KLRD1: variants seen among roughly 807,000 people sequenced by gnomAD.
The protein encoded by KLRD1 is natural killer cells antigen CD94.
In KLRD1, 21 loss-of-function variants were observed where a neutral mutation model predicts 22.6. The observed-to-expected ratio is 0.93, with a 90% CI of 0.66 to 1.34. KLRD1 has a LOEUF of 1.34. KLRD1 is among the 40% of genes most tolerant of loss of function. The pLI, the probability that KLRD1 is intolerant of heterozygous loss-of-function variation, is 0.00. For synonymous variants in KLRD1, 59 were observed against 71.1 expected, an observed-to-expected ratio of 0.83 and a Z score of 0.85; for missense variants, 183 against 208.6, an observed-to-expected ratio of 0.88 and a Z score of 0.76.
intron 1 of KLRD1, among the ~76,000 whole-genome samples, chr12:10,242,647 C>G (rs1164442461): frequency 6.6e-6 from 1 of 152,172 alleles, no homozygotes; most frequent in Non-Finnish European, 1.5e-5. Context: ...TACTACTTCA[C>G]AACTGCAACC....
intron 1 of KLRD1, among the ~76,000 whole-genome samples, chr12:10,244,057 C>T (rs1304929873): frequency 6.6e-6 from 1 of 152,048 alleles, no homozygotes; most frequent in Non-Finnish European, 1.5e-5. Context: ...TCCGGTTTCT[C>T]TTTCTGAAAT....
intron 1 of KLRD1, among the ~76,000 whole-genome samples, chr12:10,247,986 T>G (rs1949308319): frequency 6.6e-6 from 1 of 152,192 alleles, no homozygotes; most frequent in East Asian, 1.9e-4. Flanking sequence ...TTTTTTACAT[T>G]TTAATGTCTC....
intron 1 of KLRD1, among the ~76,000 whole-genome samples, chr12:10,245,336 C>T (rs1038645359): frequency 9.2e-5 from 14 of 151,872 alleles, no homozygotes; most frequent in African/African-American, 9.7e-5. Context: ...CCAGCCTGGG[C>T]GACAGAGCAA....
chr12:10,259,793 C>T (rs10845093), intron 1 of KLRD1, among the ~76,000 whole-genome samples: 121,866 of 152,046 alleles, frequency 0.8, 53,415 homozygotes, highest in Non-Finnish European at 0.98. Flanking sequence ...TGGTGAAACC[C>T]TGTCTTTACT....
rs1034046352 is a variant in KLRD1 at position 10,319,620 on chromosome 12, T to C, written c.*4827T>C. 1 of 152,152 alleles carries C rather than the reference T, an allele frequency of 6.6e-6. No individual in the cohort carries two copies. Among genetic ancestry groups the C allele is most frequent in the African/African-American group, 2.4e-5 (1 of 41,416 alleles). 9.4% of individuals were successfully genotyped at this position (152,152 alleles called of 1,614,324 possible). A position where few individuals can be genotyped will look rare whatever the true frequency, so the allele number is the denominator to read the frequency against. Reference sequence around the variant, plus strand: ...ATGAGCAGCCCTGTTGAAAGGACCATGCGGCAAGGAACTGAAGACTCTTAC... The same window carrying C: ...ATGAGCAGCCCTGTTGAAAGGACCACGCGGCAAGGAACTGAAGACTCTTAC... On this transcript the variant is annotated 3_prime_UTR_variant, in exon 6 of 6. Coordinates refer to ENST00000336164, the MANE Select transcript of KLRD1 (RefSeq NM_002262.5).
At chr12:10,299,771 T>C (rs1949851949), upstream of KLRD1, among the ~76,000 whole-genome samples, 1 of 152,184 alleles carries the variant, frequency 6.6e-6, no homozygotes, top group Admixed American at 6.5e-5. Context: ...CTCTGTAGCA[T>C]GTGATGATGT....
chr12:10,239,460 TC>T (rs1416373501), intron 1 of KLRD1, among the ~76,000 whole-genome samples: 7 of 50,580 alleles, frequency 1.4e-4, no homozygotes, highest in East Asian at 7.6e-4. Flanking sequence ...CTTCCTTCCT[TC>T]CTTCCTTCCT....
At position 10,311,575 on chromosome 12, in the gene KLRD1, A is replaced by G. The variant is rs1950071623; in HGVS notation, c.275A>G (p.Gln92Arg). The G allele has an allele frequency of 6.2e-7, 1 of 1,614,172 alleles. No individual in the cohort carries two copies. The highest frequency in any genetic ancestry group is 8.5e-7 in the Non-Finnish European group (1 of 1,179,984). The change falls in exon 4 of 6, where the codon CAG (glutamine) becomes CGG (arginine). Residue 92 changes from glutamine to arginine, a missense_variant. Physicochemically the swap from Gln to Arg is conservative, Grantham distance 43 (BLOSUM62 1). Transcript: ENST00000336164. ...GAAAGTCGGCATCTCTGTGCTTCTC[A>G]GAAATCCAGCCTGCTTCAGCTTCAA... ...WNESRHLCAS[Q>R]KSSLLQLQNT...
intron 4 of KLRD1, among the ~76,000 whole-genome samples, chr12:10,313,188 G>A (rs1278116977): frequency 6.6e-6 from 1 of 151,988 alleles, no homozygotes; most frequent in Non-Finnish European, 1.5e-5. Context: ...AATTCTTCAG[G>A]AAGTGAGATT....
chr12:10,255,796 G>A (rs1949389931), intron 1 of KLRD1, among the ~76,000 whole-genome samples: 1 of 152,232 alleles, frequency 6.6e-6, no homozygotes, highest in Middle Eastern at 3.4e-3. Flanking sequence ...TCAAAAAAAT[G>A]TATATTCTGC....
At chr12:10,299,656 G>C (rs1469280295), upstream of KLRD1, among the ~76,000 whole-genome samples, 1 of 152,120 alleles carries the variant, frequency 6.6e-6, no homozygotes, top group African/African-American at 2.4e-5. Flanking sequence ...GATGGCTGTT[G>C]ACTGACTGGG....
chr12:10,306,173 C>CA (rs1164173845), upstream of KLRD1, among the ~76,000 whole-genome samples: 2 of 151,334 alleles, frequency 1.3e-5, no homozygotes, highest in Non-Finnish European at 3.0e-5. Context: ...AAAAAACAAA[C>CA]AAACAAAAAC....
At chr12:10,312,730 C>T (rs1394035315) in intron 4 of KLRD1, among the ~76,000 whole-genome samples, 1 of 151,180 alleles carries the variant, frequency 6.6e-6, no homozygotes, top group Non-Finnish European at 1.5e-5. Context: ...TGGCTGAAAC[C>T]TGTAATCCCA....
chr12:10,310,104 G>A (rs564913598), intron 3 of KLRD1, among the ~76,000 whole-genome samples: 30 of 152,264 alleles, frequency 2.0e-4, no homozygotes, highest in South Asian at 1.2e-3. Flanking sequence ...GTGAAAGCCA[G>A]CTCAAAGTCC....
intron 5 of KLRD1, among the ~76,000 whole-genome samples, chr12:10,313,894 GCTCT>G (rs1950158877): frequency 6.6e-6 from 1 of 152,094 alleles, no homozygotes; most frequent in African/African-American, 2.4e-5. Context: ...CAATGCATAA[GCTCT>G]CTTAGTTCAA....
intron 1 of KLRD1, among the ~76,000 whole-genome samples, chr12:10,295,921 G>C (rs1300994819): frequency 1.3e-5 from 2 of 152,128 alleles, no homozygotes; most frequent in Non-Finnish European, 2.9e-5. Flanking sequence ...TTTCAATGCA[G>C]AGTGAGATTT....
chr12:10,326,706 T>C lies in KLRD1; in HGVS notation c.*11913T>C, dbSNP rs568181693. ...AGGTCACAGGTAAGGGACAAATGGT[T>C]GCATCTTTTTGTTTCTGATTAGCCT... On this transcript the variant is annotated 3_prime_UTR_variant, in exon 6 of 6. Coordinates refer to ENST00000336164, the MANE Select transcript of KLRD1 (RefSeq NM_002262.5). 6.6e-6 allele frequency: 1 copy of C among 152,196 alleles called. No individual in the cohort carries two copies. Among genetic ancestry groups the C allele is most frequent in the Non-Finnish European group, 1.5e-5 (1 of 68,040 alleles). The allele number at this position is 152,196 out of a possible 1,614,324, so 9.4% of individuals were successfully genotyped here. A position where few individuals can be genotyped will look rare whatever the true frequency, so the allele number is the denominator to read the frequency against.
At position 10,324,818 on chromosome 12, in the gene KLRD1, G is replaced by GTGTGTATATATATATATATATATA. The variant is rs750696767; in HGVS notation, c.*10026_*10027insGTGTATATATATATATATATATAT. 4.0e-5 allele frequency: 3 copies of GTGTGTATATATATATATATATATA among 74,154 alleles called. No individual in the cohort carries two copies. Among genetic ancestry groups the GTGTGTATATATATATATATATATA allele is most frequent in the Admixed American group, 2.1e-4 (1 of 4,736 alleles). 4.6% of individuals were successfully genotyped at this position (74,154 alleles called of 1,614,324 possible). A position where few individuals can be genotyped will look rare whatever the true frequency, so the allele number is the denominator to read the frequency against. ...AGTATATATGTATATGTGTGTGTGT[G>GTGTGTATATATATATATATATATA]TATATATATATATATATATATATAT... is the stretch of plus-strand genomic sequence containing the variant. On this transcript the variant is annotated 3_prime_UTR_variant, in exon 6 of 6. Coordinates refer to ENST00000336164, the MANE Select transcript of KLRD1 (RefSeq NM_002262.5).
intron 1 of KLRD1, among the ~76,000 whole-genome samples, chr12:10,244,967 G>A (rs950241821): frequency 1.3e-5 from 2 of 152,030 alleles, no homozygotes; most frequent in Non-Finnish European, 2.9e-5. Flanking sequence ...AAGCATTTGC[G>A]TGCATTAGCT....
Sources: allele counts gnomAD v4.1 joint callset (sites outside exome capture counted in the v4.1 genomes callset), GRCh38; gene constraint gnomAD v4.1.1; transcripts MANE v1.5; gene names NCBI Gene and HGNC (gene_info 2026-07-23, HGNC 2026-07-21).